The following TMCC2 variants were observed in gnomAD, a reference collection of about 807,000 sequenced individuals.
TMCC2 encodes transmembrane and coiled-coil domain family 2.
TMCC2 carries 16 observed loss-of-function variants against 49.4 expected under a neutral mutation model. That is an observed-to-expected ratio of 0.32 (90% CI 0.22 to 0.49). The LOEUF (loss-of-function observed/expected upper bound fraction) is 0.49. Ranked by LOEUF, TMCC2 falls within the 20% of genes least tolerant of loss-of-function variation. The pLI is 0.99. For synonymous variants in TMCC2, 397 were observed against 434.1 expected, an observed-to-expected ratio of 0.91 and a Z score of 1.06; for missense variants, 762 against 989.8, an observed-to-expected ratio of 0.77 and a Z score of 3.09.
rs1347835128 is a variant in TMCC2 at position 205,228,549 on chromosome 1, C to G, written c.-16C>G. The G allele has an allele frequency of 2.5e-6, 4 of 1,583,104 alleles. No homozygotes were observed. The highest frequency in any genetic ancestry group is 3.5e-6 in the Non-Finnish European group (4 of 1,158,724). ...GCGCTGGAAGGACAGATTCCCCTTG[C>G]CGACCCACATACACCATGAAGAGGT... On this transcript the variant is annotated 5_prime_UTR_variant, in exon 1 of 5. Transcript: ENST00000358024.
intron 2 of TMCC2, chr1:205,246,771 G>A (rs1209605464): frequency 3.5e-6 from 5 of 1,438,334 alleles, no homozygotes; most frequent in Middle Eastern, 3.5e-4. Context: ...GCTATTTTAT[G>A]AGGAGGGAAA....
intron 2 of TMCC2, chr1:205,257,237 A>G: frequency 8.1e-7 from 1 of 1,232,370 alleles, no homozygotes; most frequent in Non-Finnish European, 1.0e-6. Context: ...ACTCAGGCAC[A>G]CCTGCTCGCA....
At chr1:205,235,785 T>C (rs778158603) in intron 1 of TMCC2, among the ~76,000 whole-genome samples, 3 of 152,098 alleles carry the variant, frequency 2.0e-5, no homozygotes, top group Non-Finnish European at 4.4e-5. Context: ...AAAACAGTTA[T>C]TTGGCTGGGC....
chr1:205,267,790 G>C (rs1661404662), intron 2 of TMCC2: 1 of 806,428 alleles, frequency 1.2e-6, no homozygotes, highest in African/African-American at 1.9e-5. Context: ...CGGGAAGCCT[G>C]CCCGCCTGGT....
chr1:205,261,235 C>G (rs560769424), intron 2 of TMCC2, among the ~76,000 whole-genome samples: 7 of 128,040 alleles, frequency 5.5e-5, no homozygotes, highest in Admixed American at 9.2e-5. Context: ...GGGTCTCACT[C>G]TGTTGCCCAG....
At position 205,257,308 on chromosome 1, in the gene TMCC2, G is replaced by A. The variant is rs966226264; in HGVS notation, c.748-11642G>A. On this transcript the variant is annotated intron_variant, in intron 2 of 4. Coordinates refer to ENST00000358024, the MANE Select transcript of TMCC2 (RefSeq NM_014858.4). Reference sequence around the variant, plus strand: ...CTGACACAGTCCGCAGACAGCTGGGGCCTCAGAGCCCCGGGTACCTCATCG... The same window carrying A: ...CTGACACAGTCCGCAGACAGCTGGGACCTCAGAGCCCCGGGTACCTCATCG... 4.9e-6 allele frequency: 6 copies of A among 1,232,160 alleles called. No homozygotes were observed. The African/African-American group carries it at 7.8e-5, about 16-fold the overall frequency. The allele number at this position is 1,232,160 out of a possible 1,614,324, so 76.3% of individuals were successfully genotyped here. A position where few individuals can be genotyped will look rare whatever the true frequency, so the allele number is the denominator to read the frequency against.
At chr1:205,266,790 G>A (rs915456957) in intron 2 of TMCC2, among the ~76,000 whole-genome samples, 6 of 152,112 alleles carry the variant, frequency 3.9e-5, no homozygotes, top group Non-Finnish European at 8.8e-5. Flanking sequence ...TGTATGCTTC[G>A]CACTATGCCA....
chr1:205,254,610 G>C (rs1660791033), intron 2 of TMCC2, among the ~76,000 whole-genome samples: 1 of 152,186 alleles, frequency 6.6e-6, no homozygotes, highest in Admixed American at 6.5e-5. Context: ...CTGAACCCCT[G>C]TTTTCCTGCT....
At chr1:205,239,884 T>A (rs1004907878) in intron 1 of TMCC2, among the ~76,000 whole-genome samples, 14 of 151,616 alleles carry the variant, frequency 9.2e-5, no homozygotes, top group Non-Finnish European at 1.8e-4. Flanking sequence ...AACCTAAGAG[T>A]GGGGTCAGCT....
chr1:205,232,143 T>C (rs570731644), intron 1 of TMCC2, among the ~76,000 whole-genome samples: 3 of 152,160 alleles, frequency 2.0e-5, no homozygotes, highest in Non-Finnish European at 4.4e-5. Context: ...AAATTTCTGC[T>C]ACAGTGCCCT....
intron 2 of TMCC2, among the ~76,000 whole-genome samples, chr1:205,260,686 C>G (rs1484422266): frequency 6.6e-6 from 1 of 151,538 alleles, no homozygotes; most frequent in Non-Finnish European, 1.5e-5. Flanking sequence ...TTCCTTCCCC[C>G]ACCCCCACCC....
intron 1 of TMCC2, chr1:205,230,148 G>C: frequency 6.1e-6 from 6 of 985,568 alleles, no homozygotes; most frequent in African/African-American, 1.7e-5. Context: ...GAGCAGCTCA[G>C]AGTCAGGAAG....
At chr1:205,265,421 C>G (rs1182673088) in intron 2 of TMCC2, among the ~76,000 whole-genome samples, 1 of 152,238 alleles carries the variant, frequency 6.6e-6, no homozygotes, top group East Asian at 1.9e-4. Flanking sequence ...TCCTAAAACA[C>G]TTTTGCTTTT....
chr1:205,272,396 A>G lies in TMCC2; in HGVS notation c.*272A>G, dbSNP rs1661636204. The G allele has an allele frequency of 1.8e-6, 1 of 550,842 alleles. No homozygotes were observed. The highest frequency in any genetic ancestry group is 1.9e-5 in the African/African-American group (1 of 53,094). 34.1% of individuals were successfully genotyped at this position (550,842 alleles called of 1,614,324 possible). On this transcript the variant is annotated 3_prime_UTR_variant, in exon 5 of 5. Transcript: ENST00000358024. The stretch of plus-strand genomic sequence containing the variant: ...GACATGGGGTTGGATTGTTTTGATT[A>G]TTTATAGTTACACAAGGACTTCTCC...
At chr1:205,249,364 G>C (rs1175480058) in intron 2 of TMCC2, among the ~76,000 whole-genome samples, 3 of 152,140 alleles carry the variant, frequency 2.0e-5, no homozygotes, top group South Asian at 2.1e-4. Flanking sequence ...TGAGTGAGGG[G>C]CCCCCCCAAC....
chr1:205,245,735 A>G (rs1660427716), intron 2 of TMCC2, among the ~76,000 whole-genome samples: 1 of 151,882 alleles, frequency 6.6e-6, no homozygotes, highest in South Asian at 2.1e-4. Context: ...GCTTTTGTAG[A>G]CATCATTTCA....
chr1:205,237,033 G>T (rs368661870), intron 1 of TMCC2, among the ~76,000 whole-genome samples: 1 of 151,984 alleles, frequency 6.6e-6, no homozygotes, highest in African/African-American at 2.4e-5. Flanking sequence ...CCCATGAGTT[G>T]AGTTTTTTTT....
chr1:205,228,938 A>G, intron 1 of TMCC2, 167 bp downstream of exon 1: 6 of 1,420,180 alleles, frequency 4.2e-6, no homozygotes, highest in Non-Finnish European at 5.5e-6. Flanking sequence ...GGTACCATTT[A>G]TGCCTCTGTC....
At chr1:205,247,068 G>C (rs1050574733) in intron 2 of TMCC2, among the ~76,000 whole-genome samples, 3 of 152,174 alleles carry the variant, frequency 2.0e-5, no homozygotes, top group Admixed American at 1.3e-4. Flanking sequence ...ATGAGGGGAC[G>C]GTTCCCTGGG....
Sources: allele counts gnomAD v4.1 joint callset (sites outside exome capture counted in the v4.1 genomes callset), GRCh38; gene constraint gnomAD v4.1.1; transcripts MANE v1.5; gene names NCBI Gene and HGNC (gene_info 2026-07-23, HGNC 2026-07-21).